ARRDC2: variants seen among roughly 807,000 people sequenced by gnomAD.
ARRDC2 encodes arrestin domain-containing protein 2.
ARRDC2 carries 39 observed loss-of-function variants against 38.9 expected under a neutral mutation model. The observed-to-expected ratio is 1.00, with a 90% CI of 0.78 to 1.31. The LOEUF (loss-of-function observed/expected upper bound fraction) is 1.31. ARRDC2 is among the 50% of genes most tolerant of loss of function. ARRDC2 has a pLI of 0.00. For synonymous variants in ARRDC2, 300 were observed against 261.9 expected (o/e 1.15, Z -1.41); for missense variants, 553 against 588.4 (o/e 0.94, Z 0.62).
exon 1 of ARRDC2, chr19:18,001,521 C>T: frequency 7.2e-7 from 1 of 1,389,836 alleles, no homozygotes; most frequent in Non-Finnish European, 9.4e-7. Flanking sequence ...CCGTATCCAG[C>T]GACTACGCGG....
At chr19:18,004,339 C>G (rs552556228), upstream of ARRDC2, among the ~76,000 whole-genome samples, 6 of 150,248 alleles carry the variant, frequency 4.0e-5, no homozygotes, top group African/African-American at 1.5e-4. Flanking sequence ...CCTCCACCTC[C>G]CAGGTTCAAG....
At chr19:18,002,519 A>C (rs2033201322) in intron 1 of ARRDC2, among the ~76,000 whole-genome samples, 1 of 152,216 alleles carries the variant, frequency 6.6e-6, no homozygotes, top group Admixed American at 6.5e-5. Flanking sequence ...CCTCCGGGCC[A>C]AGCCAGACCT....
At chr19:18,003,845 T>C (rs1025690002), upstream of ARRDC2, among the ~76,000 whole-genome samples, 5 of 151,986 alleles carry the variant, frequency 3.3e-5, no homozygotes, top group African/African-American at 1.2e-4. Flanking sequence ...TTCACCATGT[T>C]AGCCAGAATG....
Position 18,009,643 on chromosome 19 carries a change from C to G in ARRDC2, c.541C>G (p.Arg181Gly). The change falls in exon 4 of 8, where the codon CGT becomes GGT. Residue 181 changes from arginine (R) to glycine (G), a missense_variant. Around this residue, in one of 3 missense-constraint regions of ARRDC2, gnomAD observed 447 missense variants for 456.6 expected, o/e 0.98. Coordinates refer to ENST00000222250, the MANE Select transcript of ARRDC2 (RefSeq NM_015683.2). ...EKVARSWYCN[R>G]GLVSLSAKID... Reference sequence around the variant, plus strand: ...GGTTGCCCGATCCTGGTACTGTAACCGTGGCCTAGTCTCCCTTTCGGCCAA... The same window carrying G: ...GGTTGCCCGATCCTGGTACTGTAACGGTGGCCTAGTCTCCCTTTCGGCCAA... The G allele has an allele frequency of 1.2e-6, 2 of 1,611,142 alleles. No homozygotes were observed. Among genetic ancestry groups the G allele is most frequent in the Non-Finnish European group, 8.5e-7 (1 of 1,177,822 alleles).
chr19:18,004,542 C>T (rs536029391), upstream of ARRDC2, among the ~76,000 whole-genome samples: 18 of 150,906 alleles, frequency 1.2e-4, no homozygotes, highest in South Asian at 1.3e-3. Context: ...CCACCGCGCC[C>T]GGCCAAGGTG....
intron 1 of ARRDC2, chr19:18,001,693 G>A (rs1217963002): frequency 1.7e-6 from 2 of 1,168,896 alleles, no homozygotes; most frequent in Non-Finnish European, 2.2e-6. Context: ...TTCAAGGAGG[G>A]GGAAACCCCC....
upstream of ARRDC2, chr19:18,007,725 A>G: frequency 6.3e-6 from 1 of 158,108 alleles, no homozygotes. Context: ...CTCCCTTTGC[A>G]TAGCGGGGGA....
At position 18,013,285 on chromosome 19, in the gene ARRDC2, G is replaced by A; in HGVS notation, c.*319G>A. ...GAGCCTTCAGTCTGGGAGAAACAGA[G>A]CCAGACATAGACAGTTCCAGCATCA... is the stretch of plus-strand genomic sequence containing the variant. On this transcript the variant is annotated 3_prime_UTR_variant, in exon 8 of 8. Coordinates refer to ENST00000222250, the MANE Select transcript of ARRDC2 (RefSeq NM_015683.2). 1 of 319,976 alleles carries A rather than the reference G, an allele frequency of 3.1e-6. No homozygotes were observed. 19.8% of individuals were successfully genotyped at this position (319,976 alleles called of 1,614,324 possible).
chr19:18,006,745 C>T (rs1449278770), upstream of ARRDC2, among the ~76,000 whole-genome samples: 2 of 152,322 alleles, frequency 1.3e-5, no homozygotes, highest in Admixed American at 1.3e-4. Flanking sequence ...TGACCTCGGG[C>T]AGAGCCCCAC....
chr19:18,004,498 C>T (rs566979734), upstream of ARRDC2, among the ~76,000 whole-genome samples: 15 of 150,754 alleles, frequency 9.9e-5, no homozygotes, highest in African/African-American at 3.4e-4. Flanking sequence ...CCGCCTGCCT[C>T]GGCCTCCCAA....
Position 18,009,739 on chromosome 19 carries a change from G to A in ARRDC2, c.593-44G>A, listed in dbSNP as rs376608776. On this transcript the variant is annotated intron_variant, in intron 4 of 7. Transcript: ENST00000222250. ...GGGTTGGGACGGGGGCTGGTGTTGG[G>A]GTTGCAGGAGGGGAAACTGAGGCCC... The A allele has an allele frequency of 1.9e-6, 3 of 1,612,820 alleles. No homozygotes were observed. The Admixed American group carries it at 5.0e-5, about 27-fold the overall frequency.
At chr19:18,007,772 A>C (rs2033308487), upstream of ARRDC2, 1 of 192,844 alleles carries the variant, frequency 5.2e-6, no homozygotes, top group Non-Finnish European at 1.1e-5. Flanking sequence ...TCTGGCCCTC[A>C]ACTGGGGCGA....
At chr19:18,008,116 A>AGGCCCCCCC, upstream of ARRDC2, 13 of 522,484 alleles carry the variant, frequency 2.5e-5, no homozygotes, top group Non-Finnish European at 3.5e-5. Context: ...AGAGACGGTG[A>AGGCCCCCCC]CCCCACCCCC....
chr19:18,005,659 C>T (rs1490450609), upstream of ARRDC2, among the ~76,000 whole-genome samples: 7 of 148,636 alleles, frequency 4.7e-5, no homozygotes, highest in Admixed American at 2.0e-4. Flanking sequence ...GGCGGCTGGC[C>T]GGGCAGGGGG....
rs770566707 is a variant in ARRDC2 at position 18,008,468 on chromosome 19, G to A, written c.158G>A (p.Gly53Asp). 5 of 1,531,268 alleles carry A rather than the reference G, an allele frequency of 3.3e-6. No homozygotes were observed. Among genetic ancestry groups the A allele is most frequent in the Non-Finnish European group, 4.4e-6 (5 of 1,146,168 alleles). 94.9% of individuals were successfully genotyped at this position (1,531,268 alleles called of 1,614,324 possible). ...RVGALRLRAR[G>D]RAHVHWTESR... is the part of the protein sequence containing the mutation. ...GGTGCCCTGAGGCTGCGCGCGCGGG[G>A]CCGCGCCCACGTGCACTGGACCGAG... Residue 53 changes from glycine (G) to aspartate (D), a missense_variant, in exon 1 of 8, where the codon GGC (glycine) becomes GAC (aspartate). Gly to Asp is a moderately conservative substitution (Grantham distance 94). Coordinates refer to ENST00000222250, the MANE Select transcript of ARRDC2 (RefSeq NM_015683.2).
At position 18,008,588 on chromosome 19, in the gene ARRDC2, C is replaced by G; in HGVS notation, c.274+4C>G. The stretch of plus-strand genomic sequence containing the variant: ...CGCGCCACGCTCCTGGCGCCAGGTA[C>G]GGATGGAGGACCCCTGCTCCAACAC... On this transcript the variant is annotated splice_donor_region_variant and intron_variant, in intron 1 of 7. Coordinates refer to ENST00000222250, the MANE Select transcript of ARRDC2 (RefSeq NM_015683.2). 1 of 1,589,826 alleles carries G rather than the reference C, an allele frequency of 6.3e-7. No individual in the cohort carries two copies. The highest frequency in any genetic ancestry group is 8.5e-7 in the Non-Finnish European group (1 of 1,175,190).
chr19:18,001,324 G>A (rs1224300098), exon 1 of ARRDC2: 10 of 1,197,740 alleles, frequency 8.3e-6, no homozygotes, highest in Non-Finnish European at 9.3e-6. Flanking sequence ...CATGCGCTCT[G>A]GGGGCGTGCG....
At position 18,008,588 on chromosome 19, in the gene ARRDC2, C is replaced by T. The variant is rs775559100; in HGVS notation, c.274+4C>T. ...CGCGCCACGCTCCTGGCGCCAGGTA[C>T]GGATGGAGGACCCCTGCTCCAACAC... is the stretch of plus-strand genomic sequence containing the variant. On this transcript the variant is annotated splice_donor_region_variant and intron_variant, in intron 1 of 7. Coordinates refer to ENST00000222250, the MANE Select transcript of ARRDC2 (RefSeq NM_015683.2). 5 of 1,589,826 alleles carry T rather than the reference C, an allele frequency of 3.1e-6. No individual in the cohort carries two copies. The highest frequency in any genetic ancestry group is 1.1e-5 in the South Asian group (1 of 90,324).
At chr19:18,010,428 T>C (rs1430075988) in intron 6 of ARRDC2, 70 bp downstream of exon 6, 1 of 1,569,998 alleles carries the variant, frequency 6.4e-7, no homozygotes, top group South Asian at 1.1e-5. Flanking sequence ...GGGTCAACTC[T>C]CTCACCACGA....
Sources: allele counts gnomAD v4.1 joint callset (sites outside exome capture counted in the v4.1 genomes callset), GRCh38; gene constraint gnomAD v4.1.1; regional missense constraint gnomAD v4.1.1; transcripts MANE v1.5; gene names NCBI Gene and HGNC (gene_info 2026-07-23, HGNC 2026-07-21).